The following COG5 variants were observed in gnomAD, a reference collection of about 807,000 sequenced individuals.
COG5 encodes the protein component of oligomeric golgi complex 5, also known as conserved oligomeric Golgi complex subunit 5.
A neutral mutation model predicts 110.4 loss-of-function variants in COG5; 86 were observed. The ratio of observed to expected loss-of-function variants is 0.78; its 90% confidence interval spans 0.65 to 0.93. COG5 has a LOEUF of 0.93. Ranked by LOEUF, COG5 falls within the 40% of genes least tolerant of loss-of-function variation. The probability of loss-of-function intolerance (pLI) is 0.00; values close to 1 mark genes in which losing one functional copy is unlikely to be tolerated. For missense variants in COG5, 1,077 were observed against 987.0 expected (o/e 1.09, Z -1.22); for synonymous variants, 360 against 334.6 (o/e 1.08, Z -0.83).
intron 6 of COG5, among the ~76,000 whole-genome samples, chr7:107,503,815 G>A (rs1299953366): frequency 6.6e-6 from 1 of 152,160 alleles, no homozygotes; most frequent in African/African-American, 2.4e-5. Flanking sequence ...GTGTGTAGCA[G>A]TGCTACTGAT....
intron 7 of COG5, among the ~76,000 whole-genome samples, chr7:107,395,330 A>G (rs184683767): frequency 7.4e-5 from 11 of 149,038 alleles, no homozygotes; most frequent in Non-Finnish European, 1.6e-4. Flanking sequence ...GGGAAGTAGA[A>G]AGAAAGAAAG....
intron 16 of COG5, among the ~76,000 whole-genome samples, chr7:107,252,626 A>T (rs1308147027): frequency 6.6e-6 from 1 of 152,214 alleles, no homozygotes; most frequent in Non-Finnish European, 1.5e-5. Context: ...TACCTTATGA[A>T]TATAGATGTA....
intron 17 of COG5, among the ~76,000 whole-genome samples, chr7:107,241,156 A>G (rs1298517437): frequency 6.6e-6 from 1 of 152,190 alleles, no homozygotes; most frequent in Admixed American, 6.5e-5. Flanking sequence ...CAGCTCACCA[A>G]TTAAATTAAA....
At chr7:107,466,631 G>A (rs1016912623) in intron 6 of COG5, among the ~76,000 whole-genome samples, 2 of 152,200 alleles carry the variant, frequency 1.3e-5, no homozygotes, top group African/African-American at 2.4e-5. Context: ...AAGTTCAGCA[G>A]ATGGTCCATT....
chr7:107,210,500 G>A (rs1225804785), intron 21 of COG5, 26 bp downstream of exon 21: 4 of 1,576,572 alleles, frequency 2.5e-6, no homozygotes, highest in Admixed American at 1.9e-5. Flanking sequence ...AGACCAGATG[G>A]GTGCCCCCAG....
intron 6 of COG5, among the ~76,000 whole-genome samples, chr7:107,457,361 A>AG (rs768155480): frequency 1.6e-4 from 24 of 145,498 alleles, no homozygotes; most frequent in Non-Finnish European, 2.9e-4. Context: ...AGCTATGAGG[A>AG]GAAAAAAAAA....
intron 18 of COG5, among the ~76,000 whole-genome samples, chr7:107,231,175 A>G (rs1173588046): frequency 6.6e-6 from 1 of 152,146 alleles, no homozygotes; most frequent in African/African-American, 2.4e-5. Context: ...GTGACCCTGG[A>G]TAAGTTACTT....
intron 7 of COG5, among the ~76,000 whole-genome samples, chr7:107,404,302 A>G (rs1791651669): frequency 6.6e-6 from 1 of 152,196 alleles, no homozygotes; most frequent in Non-Finnish European, 1.5e-5. Flanking sequence ...GTAATTTTTC[A>G]AAAGTTCCTT....
chr7:107,286,555 T>G (rs1228225310), intron 12 of COG5, among the ~76,000 whole-genome samples: 2 of 152,354 alleles, frequency 1.3e-5, no homozygotes, highest in East Asian at 3.9e-4. Flanking sequence ...CTACTGGACA[T>G]TTATACAAAC....
chr7:107,445,300 C>G (rs1444868737), intron 6 of COG5, among the ~76,000 whole-genome samples: 1 of 152,204 alleles, frequency 6.6e-6, no homozygotes, highest in African/African-American at 2.4e-5. Flanking sequence ...AAACCATACA[C>G]ATTTCTAAAG....
intron 6 of COG5, among the ~76,000 whole-genome samples, chr7:107,464,895 T>A (rs1311688050): frequency 6.6e-6 from 1 of 152,200 alleles, no homozygotes; most frequent in Non-Finnish European, 1.5e-5. Flanking sequence ...GCCATTTTTA[T>A]AACAAAGAAA....
chr7:107,457,087 T>C (rs1333357596), intron 6 of COG5, among the ~76,000 whole-genome samples: 3 of 151,886 alleles, frequency 2.0e-5, no homozygotes, highest in Non-Finnish European at 4.4e-5. Context: ...TTAGAAATAC[T>C]AGAATGCAAA....
chr7:107,317,859 G>A (rs1011835247), intron 11 of COG5, among the ~76,000 whole-genome samples: 3 of 152,038 alleles, frequency 2.0e-5, no homozygotes, highest in Admixed American at 6.6e-5. Flanking sequence ...TTTCCATCCC[G>A]GTCTTATTCT....
chr7:107,398,167 C>G (rs572623859), intron 7 of COG5, among the ~76,000 whole-genome samples: 1 of 152,232 alleles, frequency 6.6e-6, no homozygotes, highest in Admixed American at 6.5e-5. Flanking sequence ...AAGACAATAT[C>G]AAGGGAGGAA....
chr7:107,389,946 T>C (rs922903381), intron 7 of COG5, among the ~76,000 whole-genome samples: 8 of 152,226 alleles, frequency 5.3e-5, no homozygotes, highest in South Asian at 2.1e-4. Context: ...TCCATCCATA[T>C]GTTTTCCTTA....
rs1439132350 is a variant in COG5, at chr7:107,230,609, T to C, written c.2168+6A>G. 6.2e-7 allele frequency: 1 copy of C among 1,602,770 alleles called. No homozygotes were observed. The highest frequency in any genetic ancestry group is 8.5e-7 in the Non-Finnish European group (1 of 1,169,814). On this transcript the variant is annotated splice_donor_region_variant and intron_variant, in intron 19 of 21. Coordinates refer to ENST00000297135, the MANE Select transcript of COG5 (RefSeq NM_006348.5). ...ATGAATGTATGAACAAAGAATTCGG[T>C]CTTACCTGAATGATCTCAGCATCCG...
chr7:107,411,552 G>A (rs796815056), intron 7 of COG5, among the ~76,000 whole-genome samples: 13 of 152,030 alleles, frequency 8.6e-5, no homozygotes, highest in African/African-American at 3.1e-4. Context: ...TCTATCCTGG[G>A]TTTTGATTTC....
At chr7:107,406,900 C>T (rs1481021758) in intron 7 of COG5, among the ~76,000 whole-genome samples, 1 of 152,104 alleles carries the variant, frequency 6.6e-6, no homozygotes, top group Non-Finnish European at 1.5e-5. Context: ...TAGATTAATA[C>T]AAAAGGCTTA....
rs1251985558 is a variant in COG5 at position 107,283,707 on chromosome 7, G to A, written c.1339C>T (p.Leu447=). The A allele has an allele frequency of 1.2e-6, 2 of 1,613,918 alleles. No homozygotes were observed. Among genetic ancestry groups the A allele is most frequent in the Non-Finnish European group, 8.5e-7 (1 of 1,179,956 alleles). Residue 447 remains leucine, a synonymous_variant, in exon 13 of 22, where the codon CTA becomes TTA. Coordinates refer to ENST00000297135, the MANE Select transcript of COG5 (RefSeq NM_006348.5). Reference sequence around the variant, plus strand: ...AGATAAGCAGCCTCATAGGGTTGTAGTGAGTCTTTCAAAGCCTTTTCTGGA... The same window carrying A: ...AGATAAGCAGCCTCATAGGGTTGTAATGAGTCTTTCAAAGCCTTTTCTGGA... ...YDPEKALKDS[L]QPYEAAYLSK... is the part of the protein sequence containing the mutation.
Sources: gnomAD v4.1 joint callset for allele counts (sites outside exome capture counted in the v4.1 genomes callset) on GRCh38, gnomAD v4.1.1 for gene constraint, MANE v1.5 for transcripts, NCBI Gene and HGNC (gene_info 2026-07-23, HGNC 2026-07-21) for gene names.